CCDC178: variants seen among roughly 807,000 people sequenced by gnomAD.
CCDC178 encodes coiled-coil domain-containing protein 178.
Under a neutral mutation model 117.4 loss-of-function variants are expected in CCDC178, and 126 were observed. The observed-to-expected ratio is 1.07, with a 90% CI of 0.93 to 1.24. The LOEUF (loss-of-function observed/expected upper bound fraction) is 1.24. Among genes scored for constraint, CCDC178 ranks in the 50% most tolerant of loss-of-function variants. The probability of loss-of-function intolerance (pLI) is 0.00; values close to 1 mark genes in which losing one functional copy is unlikely to be tolerated. For synonymous variants in CCDC178, 283 were observed against 313.4 expected, an observed-to-expected ratio of 0.90 and a Z score of 1.02; for missense variants, 1,030 against 986.9, an observed-to-expected ratio of 1.04 and a Z score of -0.59.
chr18:33,209,852 G>T (rs776487859), intron 20 of CCDC178, among the ~76,000 whole-genome samples: 1 of 151,944 alleles, frequency 6.6e-6, no homozygotes, highest in East Asian at 1.9e-4. Flanking sequence ...GTGCTAGAAA[G>T]CAATAGATGA....
intron 12 of CCDC178, among the ~76,000 whole-genome samples, chr18:33,285,000 C>A (rs2060080359): frequency 6.7e-6 from 1 of 149,720 alleles, no homozygotes; most frequent in African/African-American, 2.5e-5. Flanking sequence ...AAAGAATAAG[C>A]CTAAAGAAAA....
intron 22 of CCDC178, among the ~76,000 whole-genome samples, chr18:32,960,107 A>G (rs757362053): frequency 9.2e-5 from 14 of 152,130 alleles, no homozygotes; most frequent in African/African-American, 1.7e-4. Flanking sequence ...CTAAAGCTAC[A>G]TCATATTGAC....
chr18:33,313,966 C>T (rs1280289665), intron 11 of CCDC178, among the ~76,000 whole-genome samples: 3 of 151,452 alleles, frequency 2.0e-5, no homozygotes, highest in African/African-American at 7.3e-5. Context: ...TTTGGGAGGC[C>T]GAGGCGGGCG....
intron 12 of CCDC178, among the ~76,000 whole-genome samples, chr18:33,275,183 G>A (rs2059933433): frequency 1.3e-5 from 2 of 151,656 alleles, no homozygotes; most frequent in African/African-American, 2.4e-5. Flanking sequence ...CAATTAGGTT[G>A]GTATAATTTA....
intron 2 of CCDC178, among the ~76,000 whole-genome samples, chr18:33,413,524 T>C (rs1031663381): frequency 1.1e-5 from 1 of 88,076 alleles, no homozygotes; most frequent in Non-Finnish European, 2.4e-5. Context: ...TAGAACTGGG[T>C]AAATTGAAAA....
chr18:33,241,111 T>A (rs759334738), intron 15 of CCDC178, among the ~76,000 whole-genome samples: 3 of 151,938 alleles, frequency 2.0e-5, no homozygotes, highest in Non-Finnish European at 4.4e-5. Context: ...GTTATCTTAA[T>A]AGATGCAGAA....
chr18:33,135,724 T>C (rs1249572216), intron 20 of CCDC178, among the ~76,000 whole-genome samples: 1 of 152,182 alleles, frequency 6.6e-6, no homozygotes, highest in African/African-American at 2.4e-5. Context: ...GCATGACTCA[T>C]TTTAAAAATC....
intron 12 of CCDC178, among the ~76,000 whole-genome samples, chr18:33,286,973 TA>T: frequency 6.6e-6 from 1 of 152,302 alleles, no homozygotes; most frequent in Middle Eastern, 3.4e-3. Flanking sequence ...GTTTTACATT[TA>T]AAAAGTATTT....
intron 2 of CCDC178, among the ~76,000 whole-genome samples, chr18:33,435,304 A>G (rs1332997084): frequency 6.6e-6 from 1 of 152,162 alleles, no homozygotes; most frequent in Non-Finnish European, 1.5e-5. Flanking sequence ...CAACTACTCA[A>G]TAGTCACATG....
intron 20 of CCDC178, among the ~76,000 whole-genome samples, chr18:33,168,118 T>A (rs1184778235): frequency 1.3e-5 from 2 of 152,204 alleles, no homozygotes; most frequent in East Asian, 3.8e-4. Flanking sequence ...TTTGTTTTTG[T>A]TGCGATTGCT....
chr18:32,962,491 GC>G (rs2054724181), intron 22 of CCDC178, among the ~76,000 whole-genome samples: 1 of 151,900 alleles, frequency 6.6e-6, no homozygotes, highest in Admixed American at 6.6e-5. Flanking sequence ...TCTTTGTTTT[GC>G]CTTTAATTTT....
intron 21 of CCDC178, among the ~76,000 whole-genome samples, chr18:32,993,211 G>A (rs1413741448): frequency 3.9e-5 from 6 of 152,238 alleles, no homozygotes; most frequent in African/African-American, 1.4e-4. Flanking sequence ...GTAGGAAGCA[G>A]TACTTGACTC....
intron 22 of CCDC178, among the ~76,000 whole-genome samples, chr18:32,950,660 T>G (rs1438855452): frequency 6.6e-6 from 1 of 152,166 alleles, no homozygotes; most frequent in Non-Finnish European, 1.5e-5. Flanking sequence ...GGCCCCAGTG[T>G]GTGAGTTCCT....
intron 12 of CCDC178, among the ~76,000 whole-genome samples, chr18:33,279,320 CAGAG>C (rs1245616571): frequency 6.6e-6 from 1 of 151,570 alleles, no homozygotes; most frequent in Admixed American, 6.6e-5. Flanking sequence ...AACAGACAAA[CAGAG>C]AGCCAAATCA....
chr18:33,146,707 A>G (rs271502), intron 20 of CCDC178, among the ~76,000 whole-genome samples: 24,500 of 152,102 alleles, frequency 0.16, 2,760 homozygotes, highest in African/African-American at 0.32. Context: ...AAAGTGAAAC[A>G]AAAGAGACTT....
At chr18:33,395,802 G>A (rs2063626923) in intron 4 of CCDC178, among the ~76,000 whole-genome samples, 1 of 152,028 alleles carries the variant, frequency 6.6e-6, no homozygotes, top group Non-Finnish European at 1.5e-5. Flanking sequence ...AACAAAGGTA[G>A]ACACCATAAC....
intron 21 of CCDC178, among the ~76,000 whole-genome samples, chr18:33,064,647 A>G (rs1317657705): frequency 1.1e-4 from 17 of 152,184 alleles, no homozygotes; most frequent in Admixed American, 1.1e-3. Flanking sequence ...GCTGTGAAAA[A>G]CTGCATGCAT....
rs149780254 is a variant in CCDC178 at position 33,047,466 on chromosome 18, C to T, written c.2388+45295G>A. 1.9e-3 allele frequency among the ~76,000 whole-genome samples: 286 copies of T among 152,252 alleles called. 3 individuals carry two copies. The highest frequency in any genetic ancestry group is 6.8e-3 in the Middle Eastern group (2 of 294). On this transcript the variant is annotated intron_variant, in intron 21 of 22. Coordinates refer to ENST00000383096, the MANE Select transcript of CCDC178 (RefSeq NM_001105528.4). ...AAACAATCAGCTTCCCAATTGAGGC[C>T]TCTAATTTTGCATATTTCAGGGCAT...
intron 21 of CCDC178, among the ~76,000 whole-genome samples, chr18:33,006,964 G>C (rs1190337804): frequency 2.0e-5 from 3 of 152,048 alleles, no homozygotes; most frequent in African/African-American, 4.8e-5. Context: ...TTTCAGTCTT[G>C]TGAGATGCTG....
Sources: allele counts gnomAD v4.1 joint callset (sites outside exome capture counted in the v4.1 genomes callset), GRCh38; gene constraint gnomAD v4.1.1; transcripts MANE v1.5; gene names NCBI Gene and HGNC (gene_info 2026-07-23, HGNC 2026-07-21).